Variants in HS6ST3 observed in about 807,000 individuals in gnomAD.
HS6ST3 encodes the protein heparan sulfate 6-O-sulfotransferase 3, also known as heparan-sulfate 6-O-sulfotransferase 3.
In HS6ST3, 12 loss-of-function variants were observed where a neutral mutation model predicts 36.7. That is an observed-to-expected ratio of 0.33 (90% CI 0.21 to 0.53). The LOEUF is 0.53. Among genes scored for constraint, HS6ST3 ranks in the 20% least tolerant of loss-of-function variants. The pLI is 0.95. For missense variants in HS6ST3, 584 were observed against 640.9 expected, an observed-to-expected ratio of 0.91 and a Z score of 0.96; for synonymous variants, 240 against 257.5, an observed-to-expected ratio of 0.93 and a Z score of 0.65.
chr13:96,404,582 C>T (rs918190853), intron 1 of HS6ST3, among the ~76,000 whole-genome samples: 3 of 151,944 alleles, frequency 2.0e-5, no homozygotes, highest in East Asian at 1.9e-4. Context: ...TTTTGTAGAG[C>T]GATATAGGAA....
intron 1 of HS6ST3, among the ~76,000 whole-genome samples, chr13:96,241,060 A>T (rs2054557167): frequency 6.6e-6 from 1 of 152,172 alleles, no homozygotes; most frequent in African/African-American, 2.4e-5. Context: ...GGCCCTACAC[A>T]GAAGCAATAG....
At chr13:96,216,985 A>T (rs1258293905) in intron 1 of HS6ST3, among the ~76,000 whole-genome samples, 1 of 152,078 alleles carries the variant, frequency 6.6e-6, no homozygotes, top group Admixed American at 6.6e-5. Flanking sequence ...GAGAGAAGTC[A>T]CTGTGACCAC....
intron 1 of HS6ST3, among the ~76,000 whole-genome samples, chr13:96,412,952 A>G (rs1331467511): frequency 6.6e-6 from 1 of 152,034 alleles, no homozygotes; most frequent in African/African-American, 2.4e-5. Context: ...AATGCAATAT[A>G]AAGGGACCTT....
intron 1 of HS6ST3, among the ~76,000 whole-genome samples, chr13:96,616,483 C>T (rs2056474752): frequency 6.6e-6 from 1 of 152,106 alleles, no homozygotes; most frequent in African/African-American, 2.4e-5. Context: ...TGTAATAATT[C>T]CTATGTAAAT....
At chr13:96,451,941 G>T (rs1209200436) in intron 1 of HS6ST3, among the ~76,000 whole-genome samples, 1 of 152,090 alleles carries the variant, frequency 6.6e-6, no homozygotes, top group Non-Finnish European at 1.5e-5. Flanking sequence ...CAGCCTCATT[G>T]ACTTGTTTTT....
At chr13:96,346,500 G>A (rs1042574440) in intron 1 of HS6ST3, among the ~76,000 whole-genome samples, 11 of 151,876 alleles carry the variant, frequency 7.2e-5, no homozygotes, top group Admixed American at 2.6e-4. Context: ...GCGTGAACCC[G>A]GGAGGCGGAG....
intron 1 of HS6ST3, among the ~76,000 whole-genome samples, chr13:96,536,187 T>C (rs925783869): frequency 7.2e-5 from 11 of 152,186 alleles, no homozygotes; most frequent in Admixed American, 7.2e-4. Context: ...CATGAACATT[T>C]TTCGAAGTTG....
chr13:96,579,465 T>TA (rs200442969), intron 1 of HS6ST3, among the ~76,000 whole-genome samples: 2 of 150,606 alleles, frequency 1.3e-5, no homozygotes, highest in African/African-American at 2.4e-5. Flanking sequence ...CATAATGGAC[T>TA]AAAAAAAAAC....
chr13:96,615,461 G>A (rs1020137638), intron 1 of HS6ST3, among the ~76,000 whole-genome samples: 5 of 152,162 alleles, frequency 3.3e-5, no homozygotes, highest in Non-Finnish European at 1.5e-5. Flanking sequence ...GTCGATGGAT[G>A]GTGGGTCTTG....
At chr13:96,218,153 C>G (rs1360735346) in intron 1 of HS6ST3, among the ~76,000 whole-genome samples, 1 of 152,132 alleles carries the variant, frequency 6.6e-6, no homozygotes, top group Non-Finnish European at 1.5e-5. Context: ...TCAGGAATGG[C>G]ATCAGCAATG....
chr13:96,535,455 G>A (rs981024986), intron 1 of HS6ST3, among the ~76,000 whole-genome samples: 1 of 151,832 alleles, frequency 6.6e-6, no homozygotes, highest in Non-Finnish European at 1.5e-5. Context: ...CTACTCAGGA[G>A]GCTGAGGCAG....
intron 1 of HS6ST3, among the ~76,000 whole-genome samples, chr13:96,369,572 T>G (rs950679901): frequency 6.6e-6 from 1 of 152,132 alleles, no homozygotes; most frequent in Non-Finnish European, 1.5e-5. Context: ...GTGCAGAACT[T>G]CTAGCAAGCC....
Position 96,192,463 on chromosome 13 carries a change from G to A in HS6ST3, c.707+100894G>A, listed in dbSNP as rs1327626. 1.4e-3 allele frequency among the ~76,000 whole-genome samples: 206 copies of A among 151,960 alleles called. 1 individual carries two copies. Among genetic ancestry groups the A allele is most frequent in the African/African-American group, 4.6e-3 (192 of 41,434 alleles). On this transcript the variant is annotated intron_variant, in intron 1 of 1. Transcript: ENST00000376705. ...CCCCTGCCACCCTCCCCGCTTTTGG[G>A]GTCCCCTGTGTCTATTATTTCCATC...
intron 1 of HS6ST3, among the ~76,000 whole-genome samples, chr13:96,441,783 T>C (rs1238475637): frequency 6.6e-6 from 1 of 152,096 alleles, no homozygotes; most frequent in African/African-American, 2.4e-5. Context: ...GAAGTTAAAT[T>C]TTTAAGATAG....
At chr13:96,687,381 A>G (rs1299798593) in intron 1 of HS6ST3, among the ~76,000 whole-genome samples, 1 of 151,978 alleles carries the variant, frequency 6.6e-6, no homozygotes, top group Non-Finnish European at 1.5e-5. Flanking sequence ...CAGTTGGCTG[A>G]AAGTCAATTA....
intron 1 of HS6ST3, among the ~76,000 whole-genome samples, chr13:96,803,407 G>A (rs1324769423): frequency 3.9e-5 from 6 of 152,146 alleles, no homozygotes; most frequent in African/African-American, 1.4e-4. Context: ...AAGGCCACTA[G>A]AGCAACATTT....
intron 1 of HS6ST3, among the ~76,000 whole-genome samples, chr13:96,241,668 A>G (rs1594728249): frequency 6.6e-6 from 1 of 151,654 alleles, no homozygotes; most frequent in East Asian, 1.9e-4. Flanking sequence ...TAAGGTAATC[A>G]ATAAAAGACT....
intron 1 of HS6ST3, among the ~76,000 whole-genome samples, chr13:96,751,889 T>C (rs1189597336): frequency 6.6e-6 from 1 of 150,518 alleles, no homozygotes; most frequent in Non-Finnish European, 1.5e-5. Flanking sequence ...AGTTTATATA[T>C]ATATAAACTA....
chr13:96,561,742 G>C (rs1013387747), intron 1 of HS6ST3, among the ~76,000 whole-genome samples: 2 of 152,098 alleles, frequency 1.3e-5, no homozygotes, highest in African/African-American at 4.8e-5. Flanking sequence ...CTTCTCAAAA[G>C]AAGACATACA....
Sources: allele counts gnomAD v4.1 joint callset (sites outside exome capture counted in the v4.1 genomes callset), GRCh38; gene constraint gnomAD v4.1.1; transcripts MANE v1.5; gene names NCBI Gene and HGNC (gene_info 2026-07-23, HGNC 2026-07-21).